KCNMA1: variants seen among roughly 807,000 people sequenced by gnomAD.
KCNMA1 encodes the protein Calcium-activated potassium channel subunit alpha-1.
In KCNMA1, 29 loss-of-function variants were observed where a neutral mutation model predicts 140.0. The observed-to-expected ratio is 0.21, with a 90% CI of 0.15 to 0.28. The LOEUF is 0.28. Ranked by LOEUF, KCNMA1 falls within the 10% of genes least tolerant of loss-of-function variation. The pLI is 1.00. For synonymous variants in KCNMA1, 612 were observed against 611.9 expected, an observed-to-expected ratio of 1.00 and a Z score of 0.00; for missense variants, 880 against 1,602.2, an observed-to-expected ratio of 0.55 and a Z score of 7.70.
At chr10:77,593,880 A>C (rs1280417410) in intron 1 of KCNMA1, among the ~76,000 whole-genome samples, 1 of 152,188 alleles carries the variant, frequency 6.6e-6, no homozygotes. Flanking sequence ...CCTGGAGGGG[A>C]AAGCATCCAA....
At chr10:77,034,133 A>C in intron 15 of KCNMA1, among the ~76,000 whole-genome samples, 1 of 151,698 alleles carries the variant, frequency 6.6e-6, no homozygotes, top group East Asian at 1.9e-4. Flanking sequence ...AGTCCCAGCT[A>C]CTTGGGAGGC....
At chr10:77,243,669 G>A (rs896316768) in intron 3 of KCNMA1, among the ~76,000 whole-genome samples, 2 of 152,202 alleles carry the variant, frequency 1.3e-5, no homozygotes, top group African/African-American at 2.4e-5. Flanking sequence ...GGAAACAAGT[G>A]AGCAATTGGG....
chr10:77,578,761 A>G (rs868111515), intron 1 of KCNMA1, among the ~76,000 whole-genome samples: 1 of 152,098 alleles, frequency 6.6e-6, no homozygotes, highest in South Asian at 2.1e-4. Flanking sequence ...TCCACCTGCC[A>G]CCACTTCCTA....
In KCNMA1 at chr10:77,052,284, T is replaced by G. The variant is rs570106535; in HGVS notation, c.1750-12647A>C. Among the ~76,000 whole-genome samples, 22 of 152,240 alleles carry G rather than the reference T, an allele frequency of 1.4e-4. No homozygotes were observed. The East Asian group carries it at 3.9e-3, about 27-fold the overall frequency. On this transcript the variant is annotated intron_variant, in intron 14 of 27. Coordinates refer to ENST00000286628, the MANE Select transcript of KCNMA1 (RefSeq NM_001161352.2). Reference sequence around the variant, plus strand: ...ACCCATGGACTTTCCTAACGGCCAGTAAGTTAACTCTGGGTAGATATGATG... The same window carrying G: ...ACCCATGGACTTTCCTAACGGCCAGGAAGTTAACTCTGGGTAGATATGATG...
intron 9 of KCNMA1, among the ~76,000 whole-genome samples, chr10:77,105,103 T>C (rs1042039639): frequency 6.6e-6 from 1 of 152,160 alleles, no homozygotes; most frequent in Admixed American, 6.5e-5. Context: ...CCCCTATTCT[T>C]AGATGCTCCA....
rs1477412840 is a variant in KCNMA1 at position 77,637,685 on chromosome 10, T to A, written c.-43A>T. On this transcript the variant is annotated 5_prime_UTR_variant, in exon 1 of 28. Coordinates refer to ENST00000286628, the MANE Select transcript of KCNMA1 (RefSeq NM_001161352.2). Reference sequence around the variant, plus strand: ...CGGCGCAGGGGCTCGGGGGAGCTCCTCCCGCCGCCAGCGCCACCCCAAACA... The same window carrying A: ...CGGCGCAGGGGCTCGGGGGAGCTCCACCCGCCGCCAGCGCCACCCCAAACA... 26 of 1,441,740 alleles carry A rather than the reference T, an allele frequency of 1.8e-5. No individual in the cohort carries two copies. In the Admixed American group the frequency reaches 2.0e-4, roughly 11 times the overall value. The allele number at this position is 1,441,740 out of a possible 1,614,324, so 89.3% of individuals were successfully genotyped here.
rs57627659 is a variant in KCNMA1, at chr10:77,506,590, A to T, written c.379-102567T>A. ...TGTTCCTAGAGAGAGAGAGAGAGAG[A>T]GAGAGAGTGTGTGTGTGTGTGTGTG... On this transcript the variant is annotated intron_variant, in intron 1 of 27. Transcript: ENST00000286628. Among the ~76,000 whole-genome samples the T allele has an allele frequency of 9.8e-3, 913 of 92,780 alleles. 17 individuals are homozygous for T. Among genetic ancestry groups the T allele is most frequent in the Non-Finnish European group, 0.013 (646 of 50,548 alleles). 60.9% of individuals were successfully genotyped at this position (92,780 alleles called of 152,430 possible).
chr10:76,945,326 T>C (rs1271857894), intron 22 of KCNMA1, among the ~76,000 whole-genome samples: 1 of 152,196 alleles, frequency 6.6e-6, no homozygotes, highest in Non-Finnish European at 1.5e-5. Context: ...AACTGTCCTG[T>C]GGCAACCTCT....
At chr10:77,436,198 C>A (rs1238199304) in intron 1 of KCNMA1, among the ~76,000 whole-genome samples, 1 of 152,210 alleles carries the variant, frequency 6.6e-6, no homozygotes, top group South Asian at 2.1e-4. Flanking sequence ...GCAAAGCTGG[C>A]CTTCACAGGC....
chr10:77,308,244 C>A (rs943420463), intron 2 of KCNMA1, among the ~76,000 whole-genome samples: 2 of 152,230 alleles, frequency 1.3e-5, no homozygotes, highest in African/African-American at 4.8e-5. Context: ...GGCTGTCACT[C>A]CCCAGGTGCC....
Position 76,886,319 on chromosome 10 carries a change from A to G in KCNMA1, c.*947T>C. 1 of 985,414 alleles carries G rather than the reference A, an allele frequency of 1.0e-6. No individual in the cohort carries two copies. The highest frequency in any genetic ancestry group is 1.2e-6 in the Non-Finnish European group (1 of 829,902). 61.0% of individuals were successfully genotyped at this position (985,414 alleles called of 1,614,324 possible). On this transcript the variant is annotated 3_prime_UTR_variant, in exon 28 of 28. Transcript: ENST00000286628. ...CCTGAGCATTATTTATTCTGTACATAAGGTAAGTAATTCACCTTTTAAAAG... is the reference window on the plus strand; with the variant it reads ...CCTGAGCATTATTTATTCTGTACATGAGGTAAGTAATTCACCTTTTAAAAG...
chr10:77,245,216 G>A (rs997997024), intron 3 of KCNMA1, among the ~76,000 whole-genome samples: 2 of 152,200 alleles, frequency 1.3e-5, no homozygotes, highest in African/African-American at 2.4e-5. Context: ...ACACTACCTA[G>A]AAAGGCTGTA....
At chr10:77,172,594 G>A (rs976220596) in intron 5 of KCNMA1, among the ~76,000 whole-genome samples, 1 of 151,906 alleles carries the variant, frequency 6.6e-6, no homozygotes, top group Admixed American at 6.5e-5. Flanking sequence ...CCCAATCATA[G>A]GGACAGAACT....
chr10:77,516,392 G>A (rs2050453617), intron 1 of KCNMA1, among the ~76,000 whole-genome samples: 1 of 152,020 alleles, frequency 6.6e-6, no homozygotes, highest in South Asian at 2.1e-4. Context: ...TGCACTTATG[G>A]CCACCTGGCT....
At chr10:76,988,444 C>T (rs902012234) in intron 19 of KCNMA1, among the ~76,000 whole-genome samples, 3 of 152,220 alleles carry the variant, frequency 2.0e-5, no homozygotes, top group Non-Finnish European at 4.4e-5. Context: ...GAGAGGATTG[C>T]TTGAACCTAA....
chr10:77,021,190 CA>C (rs1195616327), intron 16 of KCNMA1: 1 of 152,098 alleles, frequency 6.6e-6, no homozygotes, highest in East Asian at 1.9e-4. Flanking sequence ...AGGACATACA[CA>C]AAAAATTCCA....
chr10:77,419,789 C>T (rs1003853491), intron 1 of KCNMA1, among the ~76,000 whole-genome samples: 4 of 152,180 alleles, frequency 2.6e-5, no homozygotes, highest in African/African-American at 7.2e-5. Context: ...GGACAGAAAT[C>T]AGTCTGCAAA....
At chr10:77,100,075 G>A (rs971824497) in intron 9 of KCNMA1, among the ~76,000 whole-genome samples, 6 of 152,142 alleles carry the variant, frequency 3.9e-5, no homozygotes, top group African/African-American at 9.7e-5. Flanking sequence ...CTGGGAAGAC[G>A]CTCCTGCATA....
At chr10:77,157,556 T>C (rs2098503189) in intron 5 of KCNMA1, among the ~76,000 whole-genome samples, 1 of 152,174 alleles carries the variant, frequency 6.6e-6, no homozygotes, top group Admixed American at 6.5e-5. Context: ...AAATAATTAT[T>C]TTGAAAATAC....
Sources: gnomAD v4.1 joint callset for allele counts (sites outside exome capture counted in the v4.1 genomes callset) on GRCh38, gnomAD v4.1.1 for gene constraint, MANE v1.5 for transcripts, NCBI Gene and HGNC (gene_info 2026-07-23, HGNC 2026-07-21) for gene names.